DDHD2: variants seen among roughly 807,000 people sequenced by gnomAD.
DDHD2 encodes triacylglycerol hydrolase DDHD2.
A neutral mutation model predicts 91.2 loss-of-function variants in DDHD2; 62 were observed. The observed-to-expected ratio is 0.68, with a 90% CI of 0.55 to 0.84. DDHD2 has a LOEUF of 0.84. DDHD2 is among the 40% of genes least tolerant of loss of function. DDHD2 has a pLI of 0.00. For missense variants in DDHD2, 740 were observed against 846.9 expected (o/e 0.87, Z 1.57); for synonymous variants, 271 against 293.9 (o/e 0.92, Z 0.80).
chr8:38,269,261 C>G, intron 1 of DDHD2: 1 of 1,368,488 alleles, frequency 7.3e-7, no homozygotes, highest in Non-Finnish European at 9.4e-7. Flanking sequence ...AGGGCCGGGC[C>G]GGGAACTGGG....
At position 38,269,144 on chromosome 8, in the gene DDHD2, G is replaced by A. The variant is rs754159938; in HGVS notation, n.88-1978G>A. On this transcript the variant is annotated intron_variant and non_coding_transcript_variant, in intron 1 of 1. Coordinates refer to the DDHD2 transcript ENST00000526071. ...TTCTTACAGGAAGGCCGCGAACAGC[G>A]CGAGCCGCACGCCCACTTCGGCCCC... 31 of 1,517,482 alleles carry A rather than the reference G, an allele frequency of 2.0e-5. No homozygotes were observed. In the South Asian group the frequency reaches 3.7e-4, roughly 18 times the overall value. The allele number at this position is 1,517,482 out of a possible 1,614,324, so 94.0% of individuals were successfully genotyped here.
downstream of DDHD2, chr8:38,263,391 G>A: frequency 1.0e-6 from 1 of 985,372 alleles, no homozygotes; most frequent in Non-Finnish European, 1.2e-6. Context: ...GGCAGTGTTG[G>A]TGCATTTGAG....
At chr8:38,270,684 A>T (rs1000431558) in intron 1 of DDHD2, 3 of 152,232 alleles carry the variant, frequency 2.0e-5, no homozygotes, top group African/African-American at 7.2e-5. Flanking sequence ...CAGGGAGGGG[A>T]GCAGTAAAAG....
chr8:38,243,170 G>A (rs56365338), intron 7 of DDHD2, among the ~76,000 whole-genome samples: 33,989 of 152,064 alleles, frequency 0.22, 3,976 homozygotes, highest in East Asian at 0.31. Flanking sequence ...CTAAGGGCAC[G>A]TAGCCCTTAT....
At chr8:38,267,260 T>A, downstream of DDHD2, 2 of 1,613,970 alleles carry the variant, frequency 1.2e-6, no homozygotes, top group Non-Finnish European at 8.5e-7. Flanking sequence ...CCATATGATA[T>A]TCATACAGGA....
intron 16 of DDHD2, among the ~76,000 whole-genome samples, chr8:38,254,978 G>A (rs1179038114): frequency 6.6e-6 from 1 of 152,084 alleles, no homozygotes; most frequent in Non-Finnish European, 1.5e-5. Context: ...AGAGATAAGT[G>A]TTTTAAAAAT....
At chr8:38,265,026 T>C (rs969640001), downstream of DDHD2, 9 of 995,738 alleles carry the variant, frequency 9.0e-6, no homozygotes, top group Non-Finnish European at 1.5e-5. Flanking sequence ...CCCAGCACTT[T>C]GGGAGGACCA....
intron 1 of DDHD2, chr8:38,269,054 G>C (rs533667637): frequency 2.0e-6 from 3 of 1,525,298 alleles, no homozygotes; most frequent in African/African-American, 2.9e-5. Flanking sequence ...CCCACTGCCC[G>C]ACCCGCCGCC....
chr8:38,246,175 CAGAG>C, intron 8 of DDHD2, 54 bp from the exon 9 acceptor site: 3 of 1,312,844 alleles, frequency 2.3e-6, no homozygotes, highest in Non-Finnish European at 3.3e-6. Context: ...TTTTGTATAA[CAGAG>C]AGCCATTTAG....
downstream of DDHD2, chr8:38,273,519 G>C (rs977599422): frequency 6.6e-6 from 1 of 152,128 alleles, no homozygotes; most frequent in African/African-American, 2.4e-5. Flanking sequence ...AAGTCTAAAA[G>C]CAAGGAGATA....
chr8:38,247,623 G>C, intron 9 of DDHD2, 90 bp from the exon 10 acceptor site: 1 of 796,376 alleles, frequency 1.3e-6, no homozygotes, highest in Non-Finnish European at 1.8e-6. Flanking sequence ...ATACATTGCT[G>C]TGGAAATCTA....
At chr8:38,269,239 ACCT>A (rs909055375) in intron 1 of DDHD2, 4 of 1,418,220 alleles carry the variant, frequency 2.8e-6, no homozygotes, top group African/African-American at 1.5e-5. Context: ...TGACGTGGCC[ACCT>A]CCGCGGGGAG....
At chr8:38,266,177 G>T (rs1807552041), downstream of DDHD2, 2 of 1,614,130 alleles carry the variant, frequency 1.2e-6, no homozygotes, top group Non-Finnish European at 1.7e-6. Flanking sequence ...GTGCGGGACA[G>T]TGCAATCACA....
intron 1 of DDHD2, chr8:38,268,638 C>T: frequency 1.4e-6 from 2 of 1,437,218 alleles, no homozygotes; most frequent in Non-Finnish European, 1.8e-6. Context: ...GCGGCTCGGG[C>T]CCCGGTACCT....
At chr8:38,244,046 G>T (rs899477451) in intron 7 of DDHD2, among the ~76,000 whole-genome samples, 6 of 151,374 alleles carry the variant, frequency 4.0e-5, no homozygotes, top group Admixed American at 2.6e-4. Context: ...CAGGTGATCC[G>T]CCCGTCTTGG....
chr8:38,267,533 C>T, downstream of DDHD2: 1 of 949,922 alleles, frequency 1.1e-6, no homozygotes, highest in Non-Finnish European at 1.5e-6. Context: ...GTATAGTCAC[C>T]ACACTAAGAG....
At chr8:38,267,062 T>G, downstream of DDHD2, 3 of 1,426,982 alleles carry the variant, frequency 2.1e-6, no homozygotes, top group Non-Finnish European at 2.8e-6. Context: ...GCAAATCTCA[T>G]GAAGGTAAAC....
rs748099521 is a variant in DDHD2 at position 38,252,196 on chromosome 8, T to C, written c.1526T>C (p.Ile509Thr). The C allele has an allele frequency of 1.9e-6, 3 of 1,614,094 alleles. No individual in the cohort carries two copies. Among genetic ancestry groups the C allele is most frequent in the Non-Finnish European group, 2.5e-6 (3 of 1,180,044 alleles). Residue 509 changes from isoleucine to threonine, a missense_variant, in exon 13 of 18, where the codon ATT (isoleucine) becomes ACT (threonine). Physicochemically the swap from Ile to Thr is moderately conservative, Grantham distance 89 (BLOSUM62 -1). Coordinates refer to ENST00000397166, the MANE Select transcript of DDHD2 (RefSeq NM_015214.3). ...ATATTCTTTGCCTTTGGATCTCCCA[T>C]TGGAATGTTCCTTACTGTCCGAGGA... ...PEIFFAFGSP[I>T]GMFLTVRGLK...
chr8:38,255,763 T>C (rs1038808244), intron 16 of DDHD2, among the ~76,000 whole-genome samples: 7 of 152,146 alleles, frequency 4.6e-5, no homozygotes, highest in African/African-American at 1.7e-4. Context: ...CGTCCTCTAC[T>C]CATGGACTTT....
Sources: allele counts gnomAD v4.1 joint callset (sites outside exome capture counted in the v4.1 genomes callset), GRCh38; gene constraint gnomAD v4.1.1; transcripts MANE v1.5; gene names NCBI Gene and HGNC (gene_info 2026-07-23, HGNC 2026-07-21).